The following SCGB2B2 variants were observed in gnomAD, a reference collection of about 807,000 sequenced individuals.
SCGB2B2 encodes secretoglobin family 2B member 2, also known as secretoglobin-like protein.
In SCGB2B2, 11 loss-of-function variants were observed where a neutral mutation model predicts 7.6. That is an observed-to-expected ratio of 1.45 (90% CI 0.91 to 2.40). SCGB2B2 has a LOEUF of 2.40. SCGB2B2 is among the 30% of genes most tolerant of loss of function. The pLI is 0.00. For synonymous variants in SCGB2B2, 50 were observed against 48.6 expected, an observed-to-expected ratio of 1.03 and a Z score of -0.12; for missense variants, 104 against 115.4, an observed-to-expected ratio of 0.90 and a Z score of 0.45.
chr19:34,594,884 A>G lies in SCGB2B2; in HGVS notation c.-321T>C, dbSNP rs1419789941. 1 of 403,860 alleles carries G rather than the reference A, an allele frequency of 2.5e-6. No homozygotes were observed. The highest frequency in any genetic ancestry group is 4.7e-6 in the Non-Finnish European group (1 of 213,488). The allele number at this position is 403,860 out of a possible 1,614,324, so 25.0% of individuals were successfully genotyped here. ...GGCTGAACACTGGTGTAAGCCTGCAAGTCTGAGTGTGCATGCACATGTGAC... is the reference window on the plus strand; with the variant it reads ...GGCTGAACACTGGTGTAAGCCTGCAGGTCTGAGTGTGCATGCACATGTGAC... On this transcript the variant is annotated 5_prime_UTR_variant, in exon 2 of 4. Coordinates refer to ENST00000601241, the MANE Select transcript of SCGB2B2 (RefSeq NM_001025591.4).
intron 1 of SCGB2B2, among the ~76,000 whole-genome samples, chr19:34,604,857 AAC>A (rs1239943429): frequency 1.5e-4 from 23 of 152,160 alleles, no homozygotes; most frequent in Non-Finnish European, 1.5e-5. Context: ...TTTTTATTAT[AAC>A]AGCTTTAATG....
At chr19:34,667,215 C>G (rs976867760) in intron 1 of SCGB2B2, among the ~76,000 whole-genome samples, 2 of 152,160 alleles carry the variant, frequency 1.3e-5, no homozygotes, top group African/African-American at 4.8e-5. Flanking sequence ...AGGGAAAAGA[C>G]CTCAGGGCGC....
chr19:34,612,510 T>TC (rs1407417901), intron 1 of SCGB2B2, among the ~76,000 whole-genome samples: 2 of 152,244 alleles, frequency 1.3e-5, no homozygotes, highest in African/African-American at 4.8e-5. Context: ...CATATTCTTT[T>TC]CATCATTTAA....
chr19:34,587,090 G>T (rs944087465), downstream of SCGB2B2, among the ~76,000 whole-genome samples: 1 of 151,978 alleles, frequency 6.6e-6, no homozygotes, highest in Non-Finnish European at 1.5e-5. Flanking sequence ...TGTATTTTTA[G>T]TCGAGATGGG....
intron 1 of SCGB2B2, among the ~76,000 whole-genome samples, chr19:34,640,176 A>G (rs865897364): frequency 6.6e-6 from 1 of 152,308 alleles, no homozygotes; most frequent in Middle Eastern, 3.4e-3. Flanking sequence ...AGTGGGGCTC[A>G]CTGCAGCCTC....
At chr19:34,640,274 TTC>T (rs1321071928) in intron 1 of SCGB2B2, 4 of 152,036 alleles carry the variant, frequency 2.6e-5, no homozygotes, top group Non-Finnish European at 5.9e-5. Context: ...AATTTTTAAT[TTC>T]TCTTTTTTTT....
chr19:34,603,847 A>C (rs1600040833), intron 1 of SCGB2B2, among the ~76,000 whole-genome samples: 1 of 134,672 alleles, frequency 7.4e-6, no homozygotes, highest in East Asian at 2.3e-4. Context: ...CCCAGGCTGG[A>C]GTGCAGGGGC....
At chr19:34,614,851 A>T (rs1292655404) in intron 1 of SCGB2B2, among the ~76,000 whole-genome samples, 4 of 152,234 alleles carry the variant, frequency 2.6e-5, no homozygotes, top group African/African-American at 9.6e-5. Flanking sequence ...GGTATGGTCT[A>T]CATGTAGTTT....
chr19:34,617,481 CTGTT>C (rs937725177), intron 1 of SCGB2B2, among the ~76,000 whole-genome samples: 8 of 150,868 alleles, frequency 5.3e-5, no homozygotes, highest in East Asian at 1.9e-4. Flanking sequence ...ATTTGGCTCT[CTGTT>C]TGTCTGTTGT....
chr19:34,601,966 T>C (rs2065636930), intron 1 of SCGB2B2, among the ~76,000 whole-genome samples: 1 of 152,176 alleles, frequency 6.6e-6, no homozygotes, highest in African/African-American at 2.4e-5. Flanking sequence ...AGTTTCAGGC[T>C]TATGAAAAGC....
intron 1 of SCGB2B2, among the ~76,000 whole-genome samples, chr19:34,633,860 T>C (rs190599376): frequency 6.6e-6 from 1 of 152,256 alleles, no homozygotes; most frequent in Non-Finnish European, 1.5e-5. Flanking sequence ...TTAGTACATA[T>C]ATAAGGGACT....
At chr19:34,652,502 A>G (rs1417039517) in intron 1 of SCGB2B2, among the ~76,000 whole-genome samples, 1 of 151,420 alleles carries the variant, frequency 6.6e-6, no homozygotes, top group Non-Finnish European at 1.5e-5. Flanking sequence ...CTGAATAAAC[A>G]TCTCTCATAA....
chr19:34,660,960 G>C (rs7250853), intron 1 of SCGB2B2, among the ~76,000 whole-genome samples: 1 of 152,164 alleles, frequency 6.6e-6, no homozygotes, highest in South Asian at 2.1e-4. Context: ...ATGGATGAGT[G>C]CATGTCCTTT....
downstream of SCGB2B2, among the ~76,000 whole-genome samples, chr19:34,586,920 T>TA (rs2065199417): frequency 6.6e-6 from 1 of 152,210 alleles, no homozygotes; most frequent in Non-Finnish European, 1.5e-5. Context: ...TTGTTGTTGT[T>TA]CTTTGAGACG....
At chr19:34,608,908 C>G (rs985431417) in intron 1 of SCGB2B2, among the ~76,000 whole-genome samples, 1 of 151,782 alleles carries the variant, frequency 6.6e-6, no homozygotes, top group Non-Finnish European at 1.5e-5. Flanking sequence ...ACCTCCATAT[C>G]ATAATGCCTA....
chr19:34,664,908 T>A (rs532762684), intron 1 of SCGB2B2, among the ~76,000 whole-genome samples: 101 of 147,186 alleles, frequency 6.9e-4, no homozygotes, highest in African/African-American at 2.4e-3. Flanking sequence ...AGGACATGCA[T>A]TTCTAACAGA....
At chr19:34,598,472 CTAATCCCCAGTTGTTTGAGGAACT>C (rs1406252276) in intron 1 of SCGB2B2, among the ~76,000 whole-genome samples, 2 of 151,930 alleles carry the variant, frequency 1.3e-5, no homozygotes, top group African/African-American at 2.4e-5. Context: ...AGAGGGGACT[CTAATCCCCAGTTGTTTGAGGAACT>C]TGGGCATCCT....
intron 1 of SCGB2B2, among the ~76,000 whole-genome samples, chr19:34,600,509 A>T (rs2065593328): frequency 6.6e-6 from 1 of 152,136 alleles, no homozygotes; most frequent in African/African-American, 2.4e-5. Context: ...CCCCAGCCAC[A>T]CTGTAGTATT....
intron 1 of SCGB2B2, among the ~76,000 whole-genome samples, chr19:34,619,520 G>A (rs969587728): frequency 4.6e-5 from 7 of 152,154 alleles, no homozygotes; most frequent in African/African-American, 1.4e-4. Context: ...GGCAAGCGAT[G>A]GGCAAAGAGA....
Sources: allele counts gnomAD v4.1 joint callset (sites outside exome capture counted in the v4.1 genomes callset), GRCh38; gene constraint gnomAD v4.1.1; transcripts MANE v1.5; gene names NCBI Gene and HGNC (gene_info 2026-07-23, HGNC 2026-07-21).